Variants in LEMD3 observed in about 807,000 individuals in gnomAD.
LEMD3 encodes the protein inner nuclear membrane protein Man1.
LEMD3 carries 33 observed loss-of-function variants against 95.2 expected under a neutral mutation model. The observed-to-expected ratio is 0.35, with a 90% CI of 0.26 to 0.46. The LOEUF is 0.46. LEMD3 is among the 20% of genes least tolerant of loss of function. The pLI, the probability that LEMD3 is intolerant of heterozygous loss-of-function variation, is 1.00. For missense variants in LEMD3, 1,210 were observed against 1,192.8 expected, an observed-to-expected ratio of 1.01 and a Z score of -0.21; for synonymous variants, 525 against 474.6, an observed-to-expected ratio of 1.11 and a Z score of -1.38.
chr12:65,225,070 A>G (rs183732961), intron 4 of LEMD3, among the ~76,000 whole-genome samples: 2 of 151,968 alleles, frequency 1.3e-5, no homozygotes, highest in South Asian at 2.1e-4. Context: ...TTTAGCTCCA[A>G]AATTTCTGGG....
At chr12:65,233,116 A>G (rs930081140) in intron 4 of LEMD3, among the ~76,000 whole-genome samples, 8 of 152,182 alleles carry the variant, frequency 5.3e-5, no homozygotes, top group South Asian at 2.1e-4. Flanking sequence ...GATAGGTGGT[A>G]TTAGACCCAT....
At chr12:65,204,015 T>C (rs914729142) in intron 1 of LEMD3, among the ~76,000 whole-genome samples, 1 of 152,196 alleles carries the variant, frequency 6.6e-6, no homozygotes, top group Non-Finnish European at 1.5e-5. Flanking sequence ...TTAATCTATA[T>C]GTGTCTTTAC....
intron 2 of LEMD3, 36 bp downstream of exon 2, chr12:65,210,999 C>A (rs762845308): frequency 1.4e-5 from 20 of 1,448,156 alleles, no homozygotes; most frequent in Non-Finnish European, 1.8e-5. Context: ...AATTTTGTGT[C>A]ATGTTTTATA....
At position 65,169,620 on chromosome 12, in the gene LEMD3, G is replaced by T. The variant is rs1380930067; in HGVS notation, c.24G>T (p.Ala8=). The T allele has an allele frequency of 6.3e-7, 1 of 1,588,588 alleles. No individual in the cohort carries two copies. The highest frequency in any genetic ancestry group is 2.3e-5 in the East Asian group (1 of 44,020). ...AAATGGCGGCGGCAGCAGCTTCGGC[G>T]CCTCAGCAGCTCTCGGATGAGGAGC... The part of the protein sequence containing the change: MAAAAAS[A]PQQLSDEELF... The change falls in exon 1 of 13, where the codon GCG becomes GCT. Residue 8 remains alanine (A), a synonymous_variant. Transcript: ENST00000308330.
chr12:65,202,154 A>G (rs1869622280), intron 1 of LEMD3, among the ~76,000 whole-genome samples: 2 of 151,568 alleles, frequency 1.3e-5, no homozygotes, highest in African/African-American at 4.8e-5. Context: ...CAAGCTACCC[A>G]ACCTGCTAAT....
intron 1 of LEMD3, among the ~76,000 whole-genome samples, chr12:65,177,063 CTT>C (rs1202577847): frequency 6.6e-6 from 1 of 152,196 alleles, no homozygotes; most frequent in Non-Finnish European, 1.5e-5. Flanking sequence ...TGGTTACACA[CTT>C]TTATAAAAGG....
At position 65,238,800 on chromosome 12, in the gene LEMD3, T is replaced by TG; in HGVS notation, c.1908dup (p.Leu637ValfsTer32). ...TTTGTTACTGTAACTCACAGATTAT[T>TG]GTTGTTATGCTTAGGTAAGTTGTAA... On this transcript the variant is annotated frameshift_variant, in exon 6 of 13. Coordinates refer to ENST00000308330, the MANE Select transcript of LEMD3 (RefSeq NM_014319.5). LOFTEE classifies it high-confidence loss of function. 1 of 1,614,080 alleles carries TG rather than the reference T, an allele frequency of 6.2e-7. No individual in the cohort carries two copies. The highest frequency in any genetic ancestry group is 8.5e-7 in the Non-Finnish European group (1 of 1,179,972).
intron 4 of LEMD3, among the ~76,000 whole-genome samples, chr12:65,230,788 T>C (rs1218657559): frequency 6.6e-6 from 1 of 152,202 alleles, no homozygotes; most frequent in Admixed American, 6.5e-5. Flanking sequence ...TCTAATACTA[T>C]GTTAAATAAG....
At chr12:65,201,312 A>G (rs1055269353) in intron 1 of LEMD3, among the ~76,000 whole-genome samples, 1 of 152,148 alleles carries the variant, frequency 6.6e-6, no homozygotes, top group Non-Finnish European at 1.5e-5. Flanking sequence ...CCTTAGAATC[A>G]GTTTAACAGT....
intron 4 of LEMD3, among the ~76,000 whole-genome samples, chr12:65,237,724 C>T (rs1870812755): frequency 6.6e-6 from 1 of 152,070 alleles, no homozygotes; most frequent in Non-Finnish European, 1.5e-5. Context: ...TGAAGTTGTC[C>T]AGGTCACAAA....
At chr12:65,195,069 T>TA (rs901954611) in intron 1 of LEMD3, among the ~76,000 whole-genome samples, 2 of 152,010 alleles carry the variant, frequency 1.3e-5, no homozygotes, top group Admixed American at 1.3e-4. Flanking sequence ...TTCTTACTGT[T>TA]ATAGTTTTTG....
chr12:65,193,371 A>T (rs1869304963), intron 1 of LEMD3, among the ~76,000 whole-genome samples: 1 of 151,996 alleles, frequency 6.6e-6, no homozygotes. Flanking sequence ...TTTTCCCATG[A>T]TTCTTCCCTT....
intron 1 of LEMD3, among the ~76,000 whole-genome samples, chr12:65,196,155 C>T (rs1446459734): frequency 6.9e-6 from 1 of 145,206 alleles, no homozygotes; most frequent in Non-Finnish European, 1.5e-5. Flanking sequence ...GATAACTGAG[C>T]TAAAAGCTTA....
rs528339634 is a variant in LEMD3 at position 65,231,905 on chromosome 12, C to T, written c.1696-6597C>T. 4.6e-5 allele frequency among the ~76,000 whole-genome samples: 7 copies of T among 151,710 alleles called. No homozygotes were observed. In the South Asian group the frequency reaches 6.3e-4, roughly 14 times the overall value. On this transcript the variant is annotated intron_variant, in intron 4 of 12. Coordinates refer to ENST00000308330, the MANE Select transcript of LEMD3 (RefSeq NM_014319.5). ...AAATTATTGTGTGTATTTCAAAAACCGTTGAATGATTTTTGAAAATGTTTT... is the reference window on the plus strand; with the variant it reads ...AAATTATTGTGTGTATTTCAAAAACTGTTGAATGATTTTTGAAAATGTTTT...
chr12:65,218,849 GC>G (rs1455448107), intron 4 of LEMD3, among the ~76,000 whole-genome samples: 33 of 149,298 alleles, frequency 2.2e-4, no homozygotes, highest in Non-Finnish European at 1.3e-4. Flanking sequence ...GAGTGCAATG[GC>G]TGATCTCGAC....
At chr12:65,222,558 T>G (rs1870323307) in intron 4 of LEMD3, among the ~76,000 whole-genome samples, 1 of 152,170 alleles carries the variant, frequency 6.6e-6, no homozygotes. Flanking sequence ...TCTGATTTTT[T>G]TCTTAGTCTA....
In LEMD3 at chr12:65,170,746, G is replaced by A. The variant is rs1162576195; in HGVS notation, c.1150G>A (p.Gly384Ser). 6.2e-7 allele frequency: 1 copy of A among 1,614,216 alleles called. No homozygotes were observed. Among genetic ancestry groups the A allele is most frequent in the South Asian group, 1.1e-5 (1 of 91,084 alleles). Residue 384 changes from glycine to serine, a missense_variant, in exon 1 of 13, where the codon GGC (glycine) becomes AGC (serine). By Grantham distance (56) the Gly-to-Ser change is moderately conservative. Coordinates refer to ENST00000308330, the MANE Select transcript of LEMD3 (RefSeq NM_014319.5). ...DMDSTLDSST[G>S]SLLKTNNHIG... is the part of the protein sequence containing the mutation. The stretch of plus-strand genomic sequence containing the variant: ...GGACTCAACCTTGGATTCGTCAACA[G>A]GCTCCCTTCTGAAAACCAATAATCA...
intron 2 of LEMD3, among the ~76,000 whole-genome samples, chr12:65,214,977 C>T (rs1486308620): frequency 6.6e-6 from 1 of 152,098 alleles, no homozygotes; most frequent in African/African-American, 2.4e-5. Context: ...TTTCTGCTTC[C>T]GAGCCAGCCT....
At chr12:65,241,454 G>A (rs759159010) in intron 9 of LEMD3, among the ~76,000 whole-genome samples, 2 of 151,452 alleles carry the variant, frequency 1.3e-5, no homozygotes, top group Non-Finnish European at 2.9e-5. Context: ...ATGTATATAA[G>A]TGAAGTCATA....
Sources: allele counts gnomAD v4.1 joint callset (sites outside exome capture counted in the v4.1 genomes callset), GRCh38; gene constraint gnomAD v4.1.1; transcripts MANE v1.5; gene names NCBI Gene and HGNC (gene_info 2026-07-23, HGNC 2026-07-21).